The following ABCA1 variants were observed in gnomAD, a reference collection of about 807,000 sequenced individuals.
The protein encoded by ABCA1 is ATP binding cassette subfamily A member 1.
Under a neutral mutation model 262.5 loss-of-function variants are expected in ABCA1, and 133 were observed. The observed-to-expected ratio is 0.51, with a 90% CI of 0.44 to 0.59. The LOEUF (loss-of-function observed/expected upper bound fraction) is 0.59. Among genes scored for constraint, ABCA1 ranks in the 20% least tolerant of loss-of-function variants. ABCA1 has a pLI of 0.00. For synonymous variants in ABCA1, 1,022 were observed against 1,043.5 expected (o/e 0.98, Z 0.40); for missense variants, 2,452 against 2,777.5 (o/e 0.88, Z 2.63).
intron 5 of ABCA1, among the ~76,000 whole-genome samples, chr9:104,870,048 T>C (rs1837464482): frequency 6.6e-6 from 1 of 152,236 alleles, no homozygotes; most frequent in Admixed American, 6.5e-5. Context: ...GATGACAAGC[T>C]GTGAAGAATT....
chr9:104,851,307 G>A (rs553145876), intron 7 of ABCA1, among the ~76,000 whole-genome samples: 9 of 152,180 alleles, frequency 5.9e-5, no homozygotes, highest in South Asian at 4.2e-4. Context: ...CCTTTACTCT[G>A]AGGATAAGGC....
At chr9:104,870,734 G>A (rs1184742375) in intron 5 of ABCA1, among the ~76,000 whole-genome samples, 1 of 152,104 alleles carries the variant, frequency 6.6e-6, no homozygotes, top group Non-Finnish European at 1.5e-5. Context: ...TTTTTCACCT[G>A]GCTGCAGGTG....
At chr9:104,796,522 AC>A in intron 37 of ABCA1, 98 bp from the exon 38 acceptor site, 1 of 878,652 alleles carries the variant, frequency 1.1e-6, no homozygotes, top group Non-Finnish European at 1.9e-6. Flanking sequence ...GGGCAGATAA[AC>A]ATATTGGAGA....
chr9:104,882,943 C>A (rs573681831), intron 5 of ABCA1, 96 bp downstream of exon 5: 1 of 1,218,266 alleles, frequency 8.2e-7, no homozygotes, highest in Non-Finnish European at 1.2e-6. Flanking sequence ...TGGGGAAGAT[C>A]TAATGGGAAC....
At position 104,785,556 on chromosome 9, in the gene ABCA1, G is replaced by C. The variant is rs752981038; in HGVS notation, c.6485C>G (p.Ala2162Gly). 2 of 1,612,790 alleles carry C rather than the reference G, an allele frequency of 1.2e-6. No individual in the cohort carries two copies. Among genetic ancestry groups the C allele is most frequent in the Non-Finnish European group, 1.7e-6 (2 of 1,179,114 alleles). Residue 2162 changes from alanine to glycine, a missense_variant, in exon 49 of 50, where the codon GCA becomes GGA. Around this residue, in one of 4 missense-constraint regions of ABCA1, gnomAD observed 752 missense variants for 944.5 expected, o/e 0.80. Transcript: ENST00000374736. ...LKPVQDFFGL[A>G]FPGSVLKEKH... ...CTCTTTTAGAACACTTCCAGGAAAT[G>C]CAAGTCCAAAGAAATCCTGGACAGG... is the stretch of plus-strand genomic sequence containing the variant.
At chr9:104,919,310 A>T (rs995711144) in intron 1 of ABCA1, among the ~76,000 whole-genome samples, 2 of 152,100 alleles carry the variant, frequency 1.3e-5, no homozygotes, top group African/African-American at 4.8e-5. Flanking sequence ...ACAGGAGTCC[A>T]TTATAAGAAG....
At chr9:104,903,084 G>A (rs1262019657) in intron 2 of ABCA1, among the ~76,000 whole-genome samples, 2 of 152,184 alleles carry the variant, frequency 1.3e-5, no homozygotes, top group Non-Finnish European at 1.5e-5. Flanking sequence ...ATTACTCAAA[G>A]CATTATTGGC....
intron 19 of ABCA1, 26 bp downstream of exon 19, chr9:104,822,470 C>G (rs1410884164): frequency 1.1e-5 from 18 of 1,612,392 alleles, no homozygotes; most frequent in Non-Finnish European, 1.4e-5. Context: ...GTGGCTGATT[C>G]TGCGGGAACC....
chr9:104,914,022 A>G (rs998162988), intron 1 of ABCA1, among the ~76,000 whole-genome samples: 3 of 151,466 alleles, frequency 2.0e-5, no homozygotes, highest in Admixed American at 1.3e-4. Context: ...GATGGTCTCG[A>G]TCTCCTGACC....
chr9:104,856,075 C>T, intron 7 of ABCA1: 1 of 1,599,424 alleles, frequency 6.3e-7, no homozygotes, highest in Non-Finnish European at 8.5e-7. Context: ...AATGTCATCA[C>T]ATGTCACATC....
chr9:104,902,890 C>T (rs996253841), intron 2 of ABCA1, among the ~76,000 whole-genome samples: 1 of 152,030 alleles, frequency 6.6e-6, no homozygotes. Flanking sequence ...AGAACAGGAA[C>T]AAGAGACTTA....
intron 2 of ABCA1, among the ~76,000 whole-genome samples, chr9:104,898,273 G>C (rs1769891977): frequency 6.6e-6 from 1 of 152,030 alleles, no homozygotes; most frequent in African/African-American, 2.4e-5. Flanking sequence ...AATTCTCAGG[G>C]GGCACTGTGG....
rs948109958 is a variant in ABCA1 at position 104,853,211 on chromosome 9, ACTT to A, written c.720+5308_720+5310del. 9.9e-5 allele frequency among the ~76,000 whole-genome samples: 15 copies of A among 152,182 alleles called. No homozygotes were observed. The South Asian group carries it at 2.9e-3, about 29-fold the overall frequency. ...TGGAACCACTGGTTCCACAAAAACC[ACTT>A]CTTTTTTTTCCCCACGTTATTGAGA... On this transcript the variant is annotated intron_variant, in intron 7 of 49. Transcript: ENST00000374736.
chr9:104,845,639 A>T, intron 7 of ABCA1, 70 bp from the exon 8 acceptor site: 1 of 1,104,050 alleles, frequency 9.1e-7, no homozygotes. Context: ...GAAATAAACA[A>T]GTGAATTAAA....
chr9:104,903,298 C>T (rs1840817895), intron 2 of ABCA1, among the ~76,000 whole-genome samples: 1 of 152,134 alleles, frequency 6.6e-6, no homozygotes, highest in Non-Finnish European at 1.5e-5. Context: ...AGCCAGGTGG[C>T]TCCCAGGGCT....
At chr9:104,840,063 CTG>C (rs1194877276) in intron 9 of ABCA1, among the ~76,000 whole-genome samples, 4 of 152,244 alleles carry the variant, frequency 2.6e-5, no homozygotes, top group Admixed American at 6.5e-5. Context: ...ATAAACACTA[CTG>C]TGCACCTGAG....
At chr9:104,882,834 T>C (rs1275730217) in intron 5 of ABCA1, among the ~76,000 whole-genome samples, 13 of 152,200 alleles carry the variant, frequency 8.5e-5, no homozygotes, top group Non-Finnish European at 1.8e-4. Context: ...CAGAGAAGAT[T>C]AGTACATCAC....
chr9:104,890,026 A>T (rs1839569386), intron 2 of ABCA1, among the ~76,000 whole-genome samples: 1 of 152,226 alleles, frequency 6.6e-6, no homozygotes, highest in Non-Finnish European at 1.5e-5. Context: ...TAGCAGACGG[A>T]CAAGATGGAA....
chr9:104,819,882 G>T, intron 21 of ABCA1, 45 bp downstream of exon 21: 1 of 1,609,362 alleles, frequency 6.2e-7, no homozygotes, highest in Admixed American at 1.7e-5. Context: ...GTGTGTAGCC[G>T]GAGGAGGAGG....
Sources: allele counts gnomAD v4.1 joint callset (sites outside exome capture counted in the v4.1 genomes callset), GRCh38; gene constraint gnomAD v4.1.1; regional missense constraint gnomAD v4.1.1; transcripts MANE v1.5; gene names NCBI Gene and HGNC (gene_info 2026-07-23, HGNC 2026-07-21).